Variants in RIMKLB observed in about 807,000 individuals in gnomAD.
The protein encoded by RIMKLB is beta-citrylglutamate synthase B.
A neutral mutation model predicts 32.0 loss-of-function variants in RIMKLB; 7 were observed. The observed-to-expected ratio is 0.22, with a 90% CI of 0.12 to 0.41. The LOEUF is 0.41. Among genes scored for constraint, RIMKLB ranks in the 10% least tolerant of loss-of-function variants. RIMKLB has a pLI of 1.00. For synonymous variants in RIMKLB, 172 were observed against 185.1 expected (o/e 0.93, Z 0.57); for missense variants, 289 against 498.7 (o/e 0.58, Z 4.00).
intron 4 of RIMKLB, among the ~76,000 whole-genome samples, chr12:8,752,477 G>C (rs974657566): frequency 6.6e-6 from 1 of 151,020 alleles, no homozygotes; most frequent in Non-Finnish European, 1.5e-5. Context: ...GCTTGAACCC[G>C]GGAGGCGGAG....
At position 8,775,563 on chromosome 12, in the gene RIMKLB, C is replaced by G; in HGVS notation, c.*1779C>G. 1.0e-6 allele frequency: 1 copy of G among 985,744 alleles called. No individual in the cohort carries two copies. Among genetic ancestry groups the G allele is most frequent in the Non-Finnish European group, 1.2e-6 (1 of 829,886 alleles). The allele number at this position is 985,744 out of a possible 1,614,324, so 61.1% of individuals were successfully genotyped here. A position where few individuals can be genotyped will look rare whatever the true frequency, so the allele number is the denominator to read the frequency against. On this transcript the variant is annotated 3_prime_UTR_variant, in exon 6 of 6. Transcript: ENST00000535829. ...TTCAGATGGACCTTAAACATAATTT[C>G]TTGGACACTACTAGAGAGACTTCGA...
intron 2 of RIMKLB, among the ~76,000 whole-genome samples, chr12:8,714,579 A>G (rs986294274): frequency 6.6e-6 from 1 of 152,214 alleles, no homozygotes; most frequent in East Asian, 1.9e-4. Flanking sequence ...ACGGTTTTAT[A>G]GGTGAAAGTG....
At chr12:8,757,667 CT>C (rs1371337507) in intron 5 of RIMKLB, among the ~76,000 whole-genome samples, 1 of 152,054 alleles carries the variant, frequency 6.6e-6, no homozygotes, top group Non-Finnish European at 1.5e-5. Flanking sequence ...ACTTTTAGTT[CT>C]TCTGTCTGTA....
chr12:8,723,804 CT>C lies in RIMKLB; in HGVS notation c.175+9787del, dbSNP rs35269536. On this transcript the variant is annotated intron_variant, in intron 2 of 5. Coordinates refer to ENST00000535829, the MANE Select transcript of RIMKLB (RefSeq NM_001297776.2). Reference sequence around the variant, plus strand: ...ATTCTCATAGGCTTTCTTCAGTTCCCTTTTTTTTTTTTTTTTTTTTTTTTGG... The same window carrying C: ...ATTCTCATAGGCTTTCTTCAGTTCCCTTTTTTTTTTTTTTTTTTTTTTTGG... Among the ~76,000 whole-genome samples, 605 of 75,500 alleles carry C rather than the reference CT, an allele frequency of 8.0e-3. 1 individual carries two copies. The highest frequency in any genetic ancestry group is 0.03 in the African/African-American group (564 of 18,866). The allele number at this position is 75,500 out of a possible 152,430, so 49.5% of individuals were successfully genotyped here. A position where few individuals can be genotyped will look rare whatever the true frequency, so the allele number is the denominator to read the frequency against.
chr12:8,697,423 G>C (rs1269606388), upstream of RIMKLB: 2 of 153,162 alleles, frequency 1.3e-5, no homozygotes, highest in East Asian at 1.9e-4. Flanking sequence ...CGGAAGGGCT[G>C]GGCGGGAGGC....
chr12:8,713,360 AC>A (rs1394474791), intron 1 of RIMKLB, among the ~76,000 whole-genome samples: 1 of 152,200 alleles, frequency 6.6e-6, no homozygotes, highest in Non-Finnish European at 1.5e-5. Context: ...TGTAAAATTA[AC>A]CACAGATACA....
chr12:8,715,773 CATT>C (rs1390374651), intron 2 of RIMKLB, among the ~76,000 whole-genome samples: 1 of 152,170 alleles, frequency 6.6e-6, no homozygotes, highest in African/African-American at 2.4e-5. Context: ...ATGAGGTCAA[CATT>C]AGTCAATCAC....
intron 5 of RIMKLB, among the ~76,000 whole-genome samples, chr12:8,766,302 C>A (rs1014089440): frequency 6.6e-6 from 1 of 152,122 alleles, no homozygotes; most frequent in Non-Finnish European, 1.5e-5. Context: ...CCTTTCTTGA[C>A]CACAAAGAAA....
intron 2 of RIMKLB, among the ~76,000 whole-genome samples, chr12:8,722,415 A>G (rs750150702): frequency 1.3e-5 from 2 of 152,228 alleles, no homozygotes; most frequent in East Asian, 1.9e-4. Flanking sequence ...TGGGCTAAAG[A>G]TATTTAGTAA....
intron 2 of RIMKLB, among the ~76,000 whole-genome samples, chr12:8,735,186 T>TG (rs1202456865): frequency 4.1e-4 from 62 of 152,344 alleles, no homozygotes; most frequent in Middle Eastern, 3.4e-3. Flanking sequence ...TGTGGGGTAT[T>TG]GCTGCCTACT....
Position 8,713,909 on chromosome 12 carries a change from C to T in RIMKLB, c.43C>T (p.Arg15Cys), listed in dbSNP as rs1288334283. ...TGCCAAGTTGTGGTTTTTGACAGAT[C>T]GTCGCATCAGGGAAGACTATCCTCA... ...VAAKLWFLTDRRIREDYPQKE... is the reference protein window; with the variant it reads ...VAAKLWFLTDCRIREDYPQKE... The change falls in exon 2 of 6, where the codon CGT (arginine) becomes TGT (cysteine). Residue 15 changes from arginine (R) to cysteine (C), a missense_variant. Physicochemically the swap from Arg to Cys is radical, Grantham distance 180. Around this residue, in one of 3 missense-constraint regions of RIMKLB, gnomAD observed 34 missense variants for 35.3 expected, o/e 0.96. Transcript: ENST00000535829. 4 of 1,613,990 alleles carry T rather than the reference C, an allele frequency of 2.5e-6. No individual in the cohort carries two copies. The highest frequency in any genetic ancestry group is 3.3e-5 in the Admixed American group (2 of 60,000).
intron 2 of RIMKLB, among the ~76,000 whole-genome samples, chr12:8,738,127 C>G (rs1276691906): frequency 6.6e-6 from 1 of 152,142 alleles, no homozygotes; most frequent in Non-Finnish European, 1.5e-5. Flanking sequence ...GTGGGAGCCT[C>G]GACCTACCTG....
downstream of RIMKLB, chr12:8,777,667 CTGA>C (rs1950815066): frequency 1.6e-6 from 2 of 1,289,252 alleles, no homozygotes; most frequent in East Asian, 1.1e-4. Flanking sequence ...TTCCCCCTTC[CTGA>C]TGATGAGTGA....
chr12:8,751,146 A>G (rs1223415878), intron 3 of RIMKLB, among the ~76,000 whole-genome samples: 1 of 152,260 alleles, frequency 6.6e-6, no homozygotes, highest in Non-Finnish European at 1.5e-5. Flanking sequence ...TTAATAGTTT[A>G]TAACATGATT....
At chr12:8,768,080 A>G (rs1037612488) in intron 5 of RIMKLB, among the ~76,000 whole-genome samples, 1 of 152,114 alleles carries the variant, frequency 6.6e-6, no homozygotes, top group Admixed American at 6.5e-5. Flanking sequence ...ATTCCAAGGA[A>G]TGGAATCTTG....
intron 2 of RIMKLB, among the ~76,000 whole-genome samples, chr12:8,730,595 A>T (rs1478414916): frequency 6.6e-6 from 1 of 152,196 alleles, no homozygotes; most frequent in Non-Finnish European, 1.5e-5. Context: ...ATTGCTAATG[A>T]GATCTGCCCT....
At chr12:8,743,359 A>AT (rs1351521523) in intron 2 of RIMKLB, among the ~76,000 whole-genome samples, 4 of 146,808 alleles carry the variant, frequency 2.7e-5, no homozygotes, top group Non-Finnish European at 5.9e-5. Context: ...TGTCTCAAAA[A>AT]AAAAAAAAAA....
At chr12:8,768,896 C>T (rs887638195) in intron 5 of RIMKLB, among the ~76,000 whole-genome samples, 2 of 152,094 alleles carry the variant, frequency 1.3e-5, no homozygotes, top group Non-Finnish European at 2.9e-5. Flanking sequence ...TATTGTCATT[C>T]TTATTCTTGT....
chr12:8,768,108 T>C (rs375868232), intron 5 of RIMKLB, among the ~76,000 whole-genome samples: 1 of 152,122 alleles, frequency 6.6e-6, no homozygotes, highest in South Asian at 2.1e-4. Flanking sequence ...TGGTGAGTGT[T>C]ATAGCTCTAT....
Sources: gnomAD v4.1 joint callset for allele counts (sites outside exome capture counted in the v4.1 genomes callset) on GRCh38, gnomAD v4.1.1 for gene constraint, gnomAD v4.1.1 regional missense constraint, MANE v1.5 for transcripts, NCBI Gene and HGNC (gene_info 2026-07-23, HGNC 2026-07-21) for gene names.